The following IMMP2L variants were observed in gnomAD, a reference collection of about 807,000 sequenced individuals.
The protein encoded by IMMP2L is inner mitochondrial membrane peptidase subunit 2.
In IMMP2L, 18 loss-of-function variants were observed where a neutral mutation model predicts 19.3. The ratio of observed to expected loss-of-function variants is 0.93; its 90% confidence interval spans 0.64 to 1.38. The LOEUF (loss-of-function observed/expected upper bound fraction) is 1.38, where lower values mean the gene tolerates loss of function less well. IMMP2L is among the 40% of genes most tolerant of loss of function. The probability of loss-of-function intolerance (pLI) is 0.00; values close to 1 mark genes in which losing one functional copy is unlikely to be tolerated. For missense variants in IMMP2L, 233 were observed against 218.2 expected, an observed-to-expected ratio of 1.07 and a Z score of -0.43; for synonymous variants, 76 against 73.0, an observed-to-expected ratio of 1.04 and a Z score of -0.21.
chr7:111,030,108 C>T (rs1230170133), intron 3 of IMMP2L, among the ~76,000 whole-genome samples: 1 of 152,012 alleles, frequency 6.6e-6, no homozygotes, highest in South Asian at 2.1e-4. Flanking sequence ...TGGATTCTGC[C>T]CCAGGAGAGA....
At chr7:111,316,554 AG>A (rs1284691672) in intron 3 of IMMP2L, among the ~76,000 whole-genome samples, 1 of 152,132 alleles carries the variant, frequency 6.6e-6, no homozygotes, top group Non-Finnish European at 1.5e-5. Flanking sequence ...GCTGCCGCTT[AG>A]GAACACTCAA....
chr7:110,833,538 G>A (rs1228009165), intron 5 of IMMP2L, among the ~76,000 whole-genome samples: 1 of 151,938 alleles, frequency 6.6e-6, no homozygotes, highest in Non-Finnish European at 1.5e-5. Flanking sequence ...CCATCTGGGG[G>A]GATGGCTGAT....
intron 3 of IMMP2L, among the ~76,000 whole-genome samples, chr7:111,225,775 T>G (rs2129621775): frequency 6.6e-6 from 1 of 152,132 alleles, no homozygotes; most frequent in East Asian, 1.9e-4. Context: ...CATGGTTCCT[T>G]AAGAAGACTT....
At chr7:111,372,285 A>G (rs1830322936) in intron 3 of IMMP2L, among the ~76,000 whole-genome samples, 1 of 152,050 alleles carries the variant, frequency 6.6e-6, no homozygotes, top group East Asian at 1.9e-4. Context: ...AAATTAAAAT[A>G]AAAAATTTGA....
At chr7:111,009,933 T>C (rs1241785188) in intron 3 of IMMP2L, among the ~76,000 whole-genome samples, 1 of 152,144 alleles carries the variant, frequency 6.6e-6, no homozygotes, top group Non-Finnish European at 1.5e-5. Context: ...TATTTTTAAA[T>C]GTATGCCCTC....
chr7:111,263,114 G>C (rs909313611), intron 3 of IMMP2L, among the ~76,000 whole-genome samples: 7 of 152,114 alleles, frequency 4.6e-5, no homozygotes, highest in Non-Finnish European at 1.5e-5. Flanking sequence ...TCTGCTCTGA[G>C]AGAGGCGGGA....
chr7:110,975,920 T>C (rs749986281), intron 3 of IMMP2L, among the ~76,000 whole-genome samples: 2 of 152,102 alleles, frequency 1.3e-5, no homozygotes, highest in Admixed American at 6.6e-5. Context: ...TATTCAAATA[T>C]TGGAACATTA....
intron 4 of IMMP2L, among the ~76,000 whole-genome samples, chr7:110,926,296 T>A (rs1814843334): frequency 6.6e-6 from 1 of 152,072 alleles, no homozygotes; most frequent in African/African-American, 2.4e-5. Context: ...TCCTTCTGCA[T>A]CTGTTGAAGT....
chr7:111,366,032 A>T (rs1829726995), intron 3 of IMMP2L, among the ~76,000 whole-genome samples: 1 of 152,094 alleles, frequency 6.6e-6, no homozygotes, highest in Non-Finnish European at 1.5e-5. Flanking sequence ...TCATTTTGCA[A>T]CCATGACAAT....
intron 2 of IMMP2L, chr7:111,492,513 G>C (rs141429318): frequency 4.6e-4 from 146 of 317,660 alleles, no homozygotes; most frequent in African/African-American, 3.0e-3. Flanking sequence ...CCTCTGTAAA[G>C]CCTTTAAAAA....
chr7:110,694,595 G>A (rs999774435), intron 5 of IMMP2L, among the ~76,000 whole-genome samples: 5 of 152,148 alleles, frequency 3.3e-5, no homozygotes, highest in Non-Finnish European at 7.4e-5. Context: ...GTCTGAAGAT[G>A]CAATTGACTG....
At position 111,026,358 on chromosome 7, in the gene IMMP2L, T is replaced by A. The variant is rs578159614; in HGVS notation, c.240-62793A>T. Among the ~76,000 whole-genome samples, 28 of 152,186 alleles carry A rather than the reference T, an allele frequency of 1.8e-4. 1 individual carries two copies. The South Asian group carries it at 5.6e-3, about 30-fold the overall frequency. ...TCTAAGATGGCGTGTCACAGAAAAATTTCGCCATTTAATCCTTAAAACAAA... is the reference window on the plus strand; with the variant it reads ...TCTAAGATGGCGTGTCACAGAAAAAATTCGCCATTTAATCCTTAAAACAAA... On this transcript the variant is annotated intron_variant, in intron 3 of 5. Transcript: ENST00000405709.
intron 3 of IMMP2L, among the ~76,000 whole-genome samples, chr7:111,116,314 TA>T (rs1337627890): frequency 6.6e-6 from 1 of 152,262 alleles, no homozygotes; most frequent in East Asian, 1.9e-4. Context: ...CCCCTCCTTT[TA>T]AAAAAATCTA....
At chr7:111,511,648 A>T (rs1197266623) in intron 2 of IMMP2L, among the ~76,000 whole-genome samples, 24 of 149,914 alleles carry the variant, frequency 1.6e-4, no homozygotes, top group Non-Finnish European at 2.2e-4. Flanking sequence ...CCCTCTGTTG[A>T]ACAAAAAAAA....
intron 3 of IMMP2L, among the ~76,000 whole-genome samples, chr7:111,321,552 T>C (rs766730473): frequency 2.0e-5 from 3 of 151,916 alleles, no homozygotes; most frequent in South Asian, 4.2e-4. Context: ...ATCTTTGAGG[T>C]TGAGATTCTC....
chr7:111,138,427 G>A (rs1331174133), intron 3 of IMMP2L, among the ~76,000 whole-genome samples: 2 of 152,090 alleles, frequency 1.3e-5, no homozygotes, highest in Admixed American at 6.5e-5. Context: ...TTAACTCCAG[G>A]GGCCATAAGA....
intron 3 of IMMP2L, among the ~76,000 whole-genome samples, chr7:111,057,432 C>G (rs1464361621): frequency 3.3e-5 from 5 of 151,146 alleles, no homozygotes; most frequent in Non-Finnish European, 7.4e-5. Context: ...AAAAAAAACT[C>G]TTTTGTAAAT....
rs184177097 is a variant in IMMP2L, at chr7:111,206,209, C to T, written c.240-242644G>A. Among the ~76,000 whole-genome samples, 467 of 152,242 alleles carry T rather than the reference C, an allele frequency of 3.1e-3. 2 individuals are homozygous for T. Among genetic ancestry groups the T allele is most frequent in the African/African-American group, 9.5e-3 (394 of 41,520 alleles). ...AGTAAAGACCAGAGGTTTTTCATTA[C>T]GTCTCCCTTAGAACACTAGATAGTG... On this transcript the variant is annotated intron_variant, in intron 3 of 5. Coordinates refer to ENST00000405709, the MANE Select transcript of IMMP2L (RefSeq NM_032549.4).
At chr7:111,074,326 G>A (rs1377896670) in intron 3 of IMMP2L, among the ~76,000 whole-genome samples, 2 of 152,314 alleles carry the variant, frequency 1.3e-5, no homozygotes, top group Non-Finnish European at 1.5e-5. Context: ...CTTTGTGTTT[G>A]AGAGAATTTA....
Sources: allele counts gnomAD v4.1 joint callset (sites outside exome capture counted in the v4.1 genomes callset), GRCh38; gene constraint gnomAD v4.1.1; transcripts MANE v1.5; gene names NCBI Gene and HGNC (gene_info 2026-07-23, HGNC 2026-07-21).